The following TMEM132C variants were observed in gnomAD, a reference collection of about 807,000 sequenced individuals.
TMEM132C encodes the protein protein phosphatase 1, regulatory subunit 152.
Under a neutral mutation model 61.4 loss-of-function variants are expected in TMEM132C, and 29 were observed. The observed-to-expected ratio is 0.47, with a 90% CI of 0.35 to 0.64. The LOEUF (loss-of-function observed/expected upper bound fraction) is 0.64. Ranked by LOEUF, TMEM132C falls within the 30% of genes least tolerant of loss-of-function variation. The pLI, the probability that TMEM132C is intolerant of heterozygous loss-of-function variation, is 0.00. For synonymous variants in TMEM132C, 656 were observed against 633.1 expected, an observed-to-expected ratio of 1.04 and a Z score of -0.54; for missense variants, 1,408 against 1,476.9, an observed-to-expected ratio of 0.95 and a Z score of 0.76.
chr12:128,363,397 A>G (rs1873764861), intron 1 of TMEM132C, among the ~76,000 whole-genome samples: 1 of 152,228 alleles, frequency 6.6e-6, no homozygotes, highest in Non-Finnish European at 1.5e-5. Flanking sequence ...TCACTGGAAC[A>G]TGAGGCCTTC....
In TMEM132C at chr12:128,354,258, C is replaced by T. The variant is rs545660889; in HGVS notation, c.86-60474C>T. On this transcript the variant is annotated intron_variant, in intron 1 of 8. Coordinates refer to ENST00000435159, the MANE Select transcript of TMEM132C (RefSeq NM_001136103.3). ...GACTGAGAAGCTGATGACCCTGTACCCTTCCCCTCTCTGATCCGGCCACTC... is the reference window on the plus strand; with the variant it reads ...GACTGAGAAGCTGATGACCCTGTACTCTTCCCCTCTCTGATCCGGCCACTC... 9.2e-5 allele frequency among the ~76,000 whole-genome samples: 14 copies of T among 151,946 alleles called. No homozygotes were observed. The South Asian group carries it at 2.7e-3, about 29-fold the overall frequency.
At chr12:128,436,198 A>G (rs1231620631) in intron 2 of TMEM132C, among the ~76,000 whole-genome samples, 1 of 152,214 alleles carries the variant, frequency 6.6e-6, no homozygotes, top group Non-Finnish European at 1.5e-5. Flanking sequence ...TAAAAACCCT[A>G]GAAGAAAACC....
chr12:128,385,521 G>A (rs1212117127), intron 1 of TMEM132C, among the ~76,000 whole-genome samples: 1 of 152,332 alleles, frequency 6.6e-6, no homozygotes, highest in Non-Finnish European at 1.5e-5. Flanking sequence ...CCCCTAAAAT[G>A]TTTCCGTTTT....
At chr12:128,604,842 TAGACAGAC>T (rs72366166) in intron 3 of TMEM132C, among the ~76,000 whole-genome samples, 3 of 150,874 alleles carry the variant, frequency 2.0e-5, no homozygotes, top group Non-Finnish European at 4.4e-5. Flanking sequence ...GATGGATAGA[TAGACAGAC>T]AGATGGCTAG....
intron 2 of TMEM132C, among the ~76,000 whole-genome samples, chr12:128,506,057 A>G (rs1365319590): frequency 1.3e-5 from 2 of 152,194 alleles, no homozygotes; most frequent in South Asian, 2.1e-4. Context: ...GTTCTTCTGT[A>G]TCAAGCCTGG....
chr12:128,435,114 CACAGGTTA>C (rs1458259724), intron 2 of TMEM132C, among the ~76,000 whole-genome samples: 7 of 152,150 alleles, frequency 4.6e-5, no homozygotes, highest in Non-Finnish European at 8.8e-5. Context: ...TTGGTAATGT[CACAGGTTA>C]ACAGCAAACT....
chr12:128,424,683 C>T (rs1184795623), intron 2 of TMEM132C, among the ~76,000 whole-genome samples: 1 of 152,152 alleles, frequency 6.6e-6, no homozygotes, highest in African/African-American at 2.4e-5. Context: ...TGTGAATATA[C>T]TAAATACTGA....
intron 3 of TMEM132C, among the ~76,000 whole-genome samples, chr12:128,576,553 C>T (rs1342180572): frequency 6.6e-6 from 1 of 152,220 alleles, no homozygotes; most frequent in Non-Finnish European, 1.5e-5. Context: ...TGACTAATGG[C>T]TTGTAATCAA....
At position 128,335,956 on chromosome 12, in the gene TMEM132C, A is replaced by G. The variant is rs1433084793; in HGVS notation, c.85+68469A>G. 2.0e-5 allele frequency among the ~76,000 whole-genome samples: 3 copies of G among 152,368 alleles called. No individual in the cohort carries two copies. The East Asian group carries it at 5.8e-4, about 29-fold the overall frequency. On this transcript the variant is annotated intron_variant, in intron 1 of 8. Transcript: ENST00000435159. ...AGATATTCTTAAAGATCTAATCCTT[A>G]ATTATTCACAGTCCTTTATCCCAGC... is the stretch of plus-strand genomic sequence containing the variant.
chr12:128,676,743 T>C (rs1292532399), intron 5 of TMEM132C, among the ~76,000 whole-genome samples: 5 of 152,256 alleles, frequency 3.3e-5, no homozygotes, highest in Non-Finnish European at 2.9e-5. Flanking sequence ...CTGGTTTGTC[T>C]TACAGAAATA....
chr12:128,431,065 G>C (rs1369038448), intron 2 of TMEM132C, among the ~76,000 whole-genome samples: 1 of 152,212 alleles, frequency 6.6e-6, no homozygotes, highest in Non-Finnish European at 1.5e-5. Context: ...CAAAGGCTAG[G>C]CCTCTTATGC....
intron 2 of TMEM132C, among the ~76,000 whole-genome samples, chr12:128,539,752 T>C (rs765923596): frequency 3.3e-5 from 5 of 152,230 alleles, no homozygotes; most frequent in Admixed American, 2.6e-4. Flanking sequence ...GTGGCTGTTA[T>C]GAATTCTGAA....
At chr12:128,356,211 T>C (rs1329542253) in intron 1 of TMEM132C, among the ~76,000 whole-genome samples, 1 of 152,196 alleles carries the variant, frequency 6.6e-6, no homozygotes, top group Non-Finnish European at 1.5e-5. Flanking sequence ...AACGCACCTT[T>C]AAAGACTAGA....
chr12:128,410,206 G>A (rs1868487114), intron 1 of TMEM132C, among the ~76,000 whole-genome samples: 1 of 152,062 alleles, frequency 6.6e-6, no homozygotes, highest in Non-Finnish European at 1.5e-5. Context: ...TTAAAGAAGA[G>A]TTACAAGAAT....
chr12:128,624,846 G>A (rs1954000177), intron 4 of TMEM132C, among the ~76,000 whole-genome samples: 1 of 152,142 alleles, frequency 6.6e-6, no homozygotes, highest in African/African-American at 2.4e-5. Flanking sequence ...CTGAGTCGGG[G>A]AGGTAGCACT....
intron 4 of TMEM132C, 78 bp downstream of exon 4, chr12:128,616,413 A>T (rs1443305562): frequency 7.2e-7 from 1 of 1,379,536 alleles, no homozygotes; most frequent in African/African-American, 1.5e-5. Context: ...CTGTCATGGG[A>T]TGTTTGCTAC....
At chr12:128,418,349 C>G (rs562404805) in intron 2 of TMEM132C, among the ~76,000 whole-genome samples, 4 of 152,122 alleles carry the variant, frequency 2.6e-5, no homozygotes, top group Non-Finnish European at 1.5e-5. Context: ...ATGTTACGGA[C>G]GGCGTACACA....
At chr12:128,690,923 A>G (rs1460760789) in intron 5 of TMEM132C, among the ~76,000 whole-genome samples, 1 of 152,182 alleles carries the variant, frequency 6.6e-6, no homozygotes, top group African/African-American at 2.4e-5. Context: ...TTGAGCCCAG[A>G]GTAGCCATCC....
At chr12:128,308,188 C>A (rs1871846264) in intron 1 of TMEM132C, among the ~76,000 whole-genome samples, 1 of 152,232 alleles carries the variant, frequency 6.6e-6, no homozygotes, top group East Asian at 1.9e-4. Context: ...CTAGTGGCAT[C>A]ATCTCAGCTC....
Sources: allele counts gnomAD v4.1 joint callset (sites outside exome capture counted in the v4.1 genomes callset), GRCh38; gene constraint gnomAD v4.1.1; transcripts MANE v1.5; gene names NCBI Gene and HGNC (gene_info 2026-07-23, HGNC 2026-07-21).